The following DLGAP5 variants were observed in gnomAD, a reference collection of about 807,000 sequenced individuals.
DLGAP5 encodes the protein DLG associated protein 5, also known as disks large-associated protein 5.
DLGAP5 carries 90 observed loss-of-function variants against 99.6 expected under a neutral mutation model. That is an observed-to-expected ratio of 0.90 (90% CI 0.76 to 1.08). DLGAP5 has a LOEUF of 1.08. Ranked by LOEUF, DLGAP5 falls within the 50% of genes least tolerant of loss-of-function variation. DLGAP5 has a pLI of 0.00. For synonymous variants in DLGAP5, 311 were observed against 321.3 expected, an observed-to-expected ratio of 0.97 and a Z score of 0.34; for missense variants, 1,036 against 983.5, an observed-to-expected ratio of 1.05 and a Z score of -0.71.
chr14:55,158,549 C>T lies in DLGAP5; in HGVS notation c.1846G>A (p.Val616Ile). 1 of 1,613,906 alleles carries T rather than the reference C, an allele frequency of 6.2e-7. No homozygotes were observed. The highest frequency in any genetic ancestry group is 1.1e-5 in the South Asian group (1 of 91,004). Residue 616 changes from valine (V) to isoleucine (I), a missense_variant, in exon 14 of 19, where the codon GTT becomes ATT. Physicochemically the swap from Val to Ile is conservative, Grantham distance 29 (BLOSUM62 3). Coordinates refer to ENST00000247191, the MANE Select transcript of DLGAP5 (RefSeq NM_014750.5). ...KIVFDAGFFRVESPVKLFSGL... is the reference protein window; with the variant it reads ...KIVFDAGFFRIESPVKLFSGL... ...GAGAATAATTTAACAGGACTTTCAA[C>T]TCTGAAAAATCCAGCATCGAACACT...
At chr14:55,163,604 C>A (rs1882523347) in intron 12 of DLGAP5, among the ~76,000 whole-genome samples, 1 of 152,160 alleles carries the variant, frequency 6.6e-6, no homozygotes, top group South Asian at 2.1e-4. Context: ...GCCAAACTGT[C>A]TTCTAAAGTG....
At chr14:55,158,471 TTAAG>T in intron 14 of DLGAP5, 47 bp downstream of exon 14, 1 of 1,498,644 alleles carries the variant, frequency 6.7e-7, no homozygotes, top group African/African-American at 1.4e-5. Context: ...AATATTTCTC[TTAAG>T]TAGTCTCAGG....
rs935395840 is a variant in DLGAP5, at chr14:55,181,283, A to T, written c.510T>A (p.Ser170Arg). 1.2e-6 allele frequency: 2 copies of T among 1,613,570 alleles called. No homozygotes were observed. Among genetic ancestry groups the T allele is most frequent in the Non-Finnish European group, 1.7e-6 (2 of 1,179,868 alleles). ...GACCAGGTCGGATTGCTCGAACATC[A>T]CTCTCGTTATCAATCTATTTAAGAG... ...QMEQTKIDNE[S>R]DVRAIRPGPR... Residue 170 changes from serine (S) to arginine (R), a missense_variant, in exon 5 of 19, where the codon AGT (serine) becomes AGA (arginine). Transcript: ENST00000247191.
At chr14:55,150,655 CTTCA>C (rs2140302156) in intron 18 of DLGAP5, 140 bp downstream of exon 18, 1 of 584,402 alleles carries the variant, frequency 1.7e-6, no homozygotes, top group African/African-American at 2.0e-5. Context: ...CCAAATTTTT[CTTCA>C]TTCTGTGAAA....
chr14:55,154,983 C>CT (rs1285184283), intron 14 of DLGAP5, among the ~76,000 whole-genome samples, 177 bp from the exon 15 acceptor site: 1 of 152,226 alleles, frequency 6.6e-6, no homozygotes, highest in Non-Finnish European at 1.5e-5. Context: ...TTAGATGCTG[C>CT]TTCCTTTTGA....
chr14:55,156,609 G>C (rs1025200543), intron 14 of DLGAP5, among the ~76,000 whole-genome samples: 2 of 152,138 alleles, frequency 1.3e-5, no homozygotes, highest in Admixed American at 6.5e-5. Flanking sequence ...CCCATGTGCA[G>C]AGAGTTTCCA....
chr14:55,180,864 TG>T, intron 5 of DLGAP5, 86 bp from the exon 6 acceptor site: 1 of 1,519,446 alleles, frequency 6.6e-7, no homozygotes, highest in African/African-American at 1.4e-5. Flanking sequence ...GTGCAATGCC[TG>T]TAGTCCCAGC....
In DLGAP5 at chr14:55,151,692, C is replaced by G. The variant is rs1168409822; in HGVS notation, c.2368+3G>C. 2 of 1,611,842 alleles carry G rather than the reference C, an allele frequency of 1.2e-6. No homozygotes were observed. The highest frequency in any genetic ancestry group is 3.4e-5 in the Admixed American group (2 of 59,642). On this transcript the variant is annotated splice_donor_region_variant and intron_variant, in intron 17 of 18. Transcript: ENST00000247191. ...TCGTTTAAATATATTTTAAATATCT[C>G]ACCTGACTGAGAAATTTTAGTTTCC...
intron 13 of DLGAP5, among the ~76,000 whole-genome samples, chr14:55,159,520 T>C (rs1429250982): frequency 1.3e-5 from 2 of 152,164 alleles, no homozygotes; most frequent in East Asian, 3.8e-4. Context: ...GGGGTGGAGA[T>C]GGTGAAATAA....
rs377135023 is a variant in DLGAP5 at position 55,158,772 on chromosome 14, C to T, written c.1654-31G>A. 2.1e-4 allele frequency: 315 copies of T among 1,502,698 alleles called. 1 individual carries two copies. The highest frequency in any genetic ancestry group is 2.7e-4 in the Non-Finnish European group (291 of 1,088,616). 93.1% of individuals were successfully genotyped at this position (1,502,698 alleles called of 1,614,324 possible). On this transcript the variant is annotated intron_variant, in intron 13 of 18. Transcript: ENST00000247191. Reference sequence around the variant, plus strand: ...AAGAGAAACTAACATAGTAAAGCTGCCCATTACCATCTTACAAGAAAAACA... The same window carrying T: ...AAGAGAAACTAACATAGTAAAGCTGTCCATTACCATCTTACAAGAAAAACA...
At position 55,179,695 on chromosome 14, in the gene DLGAP5, G is replaced by A. The variant is rs771396995; in HGVS notation, c.708C>T (p.Asn236=). ...TACTTGGCACCTTTCCTTCTGGTTC[G>A]TTTTCTAAAACAACAATAAAATATT... The part of the protein sequence containing the change: ...RKPVTRAANE[N]EPEGKVPSKG... The change falls in exon 7 of 19, where the codon AAC becomes AAT. Residue 236 remains asparagine (N), a synonymous_variant. Transcript: ENST00000247191. 14 of 1,605,754 alleles carry A rather than the reference G, an allele frequency of 8.7e-6. No individual in the cohort carries two copies. Among genetic ancestry groups the A allele is most frequent in the Admixed American group, 3.4e-5 (2 of 59,152 alleles).
intron 2 of DLGAP5, 79 bp downstream of exon 2, chr14:55,188,863 G>A: frequency 9.7e-7 from 1 of 1,034,372 alleles, no homozygotes; most frequent in South Asian, 1.5e-5. Flanking sequence ...TCTGGCCAGA[G>A]TTTTTTACTC....
intron 12 of DLGAP5, among the ~76,000 whole-genome samples, chr14:55,166,211 G>C (rs1270491942): frequency 6.6e-6 from 1 of 152,116 alleles, no homozygotes; most frequent in Non-Finnish European, 1.5e-5. Context: ...GCAGTAAAAA[G>C]GTGTGAAGTA....
intron 5 of DLGAP5, among the ~76,000 whole-genome samples, 176 bp downstream of exon 5, chr14:55,181,037 C>T (rs982648156): frequency 6.6e-6 from 1 of 152,096 alleles, no homozygotes; most frequent in Non-Finnish European, 1.5e-5. Flanking sequence ...ATCACTTGAG[C>T]CCAGGAGGTG....
intron 14 of DLGAP5, among the ~76,000 whole-genome samples, chr14:55,156,402 G>A (rs1882219353): frequency 6.6e-6 from 1 of 152,206 alleles, no homozygotes; most frequent in Non-Finnish European, 1.5e-5. Flanking sequence ...TACACAAAGT[G>A]TTGAGACACT....
intron 14 of DLGAP5, among the ~76,000 whole-genome samples, chr14:55,155,056 A>G (rs1882160133): frequency 1.3e-5 from 2 of 152,068 alleles, no homozygotes; most frequent in South Asian, 2.1e-4. Context: ...AGAGTCTTAC[A>G]CTGTCACCCA....
chr14:55,157,609 G>T (rs7159808), intron 14 of DLGAP5, among the ~76,000 whole-genome samples: 84,602 of 152,010 alleles, frequency 0.56, 26,571 homozygotes, highest in African/African-American at 0.87. Flanking sequence ...CAAACACTGT[G>T]AGAAAATCAC....
At chr14:55,158,822 T>C in intron 13 of DLGAP5, 81 bp from the exon 14 acceptor site, 1 of 959,524 alleles carries the variant, frequency 1.0e-6, no homozygotes, top group Non-Finnish European at 1.6e-6. Flanking sequence ...ATTCATCACT[T>C]AAAAATTTAA....
rs1881884209 is a variant in DLGAP5, at chr14:55,148,147, T to C, written c.*204A>G. ...AAGAGAGGCAAGGCACAGTACATTT[T>C]TTATTCTGTGTTGAAAATGTACAAA... On this transcript the variant is annotated 3_prime_UTR_variant, in exon 19 of 19. Transcript: ENST00000247191. 3 of 563,398 alleles carry C rather than the reference T, an allele frequency of 5.3e-6. No homozygotes were observed. The highest frequency in any genetic ancestry group is 9.0e-6 in the Non-Finnish European group (3 of 333,010). The allele number at this position is 563,398 out of a possible 1,614,324, so 34.9% of individuals were successfully genotyped here.
Sources: gnomAD v4.1 joint callset for allele counts (sites outside exome capture counted in the v4.1 genomes callset) on GRCh38, gnomAD v4.1.1 for gene constraint, MANE v1.5 for transcripts, NCBI Gene and HGNC (gene_info 2026-07-23, HGNC 2026-07-21) for gene names.